Variants in ZNF286A observed in about 807,000 individuals in gnomAD.
ZNF286A encodes zinc finger protein ZNF286.
A neutral mutation model predicts 49.3 loss-of-function variants in ZNF286A; 34 were observed. The observed-to-expected ratio is 0.69, with a 90% CI of 0.52 to 0.92. ZNF286A has a LOEUF of 0.92. ZNF286A is among the 40% of genes least tolerant of loss of function. The pLI is 0.00. For synonymous variants in ZNF286A, 155 were observed against 200.4 expected (o/e 0.77, Z 1.91); for missense variants, 462 against 600.2 (o/e 0.77, Z 2.41).
Position 15,717,003 on chromosome 17 carries a change from C to T in ZNF286A, c.1279C>T (p.Gln427Ter), listed in dbSNP as rs751666837. 4 of 1,613,544 alleles carry T rather than the reference C, an allele frequency of 2.5e-6. No homozygotes were observed. The South Asian group carries it at 4.4e-5, about 18-fold the overall frequency. The change falls in exon 6 of 6, where the codon CAA (glutamine) becomes TAA (stop). Residue 427 changes from glutamine to a stop codon, truncating the protein, a stop_gained. Coordinates refer to ENST00000583566, the MANE Select transcript of ZNF286A (RefSeq NM_001130842.2). LOFTEE classifies it high-confidence loss of function. The stretch of plus-strand genomic sequence containing the variant: ...TTTTAGTCAGAGCACACATCTTGTT[C>T]AACATCAGAGAATTCACACTGGAGA... ...KTFSQSTHLV[Q>*]HQRIHTGEKP... is the part of the protein sequence containing the mutation.
chr17:15,705,714 T>G, intron 3 of ZNF286A, among the ~76,000 whole-genome samples: 1 of 152,246 alleles, frequency 6.6e-6, no homozygotes, highest in East Asian at 1.9e-4. Flanking sequence ...TCCTGTTGTC[T>G]ATGGGTTTAC....
At position 15,710,495 on chromosome 17, in the gene ZNF286A, T is replaced by C. The variant is rs1262604655; in HGVS notation, c.334+2248T>C. Among the ~76,000 whole-genome samples, 8 of 152,356 alleles carry C rather than the reference T, an allele frequency of 5.3e-5. No individual in the cohort carries two copies. In the East Asian group the frequency reaches 1.5e-3, roughly 29 times the overall value. On this transcript the variant is annotated intron_variant, in intron 5 of 5. Transcript: ENST00000583566. ...GGAATAATCTTATGTTACTGATTTG[T>C]AATGCTACCTGTGGTAAACCCAGTT...
At chr17:15,703,632 AT>A (rs1243400713) in intron 3 of ZNF286A, among the ~76,000 whole-genome samples, 1 of 152,090 alleles carries the variant, frequency 6.6e-6, no homozygotes, top group Non-Finnish European at 1.5e-5. Flanking sequence ...GACATATGGT[AT>A]ACTATATTTC....
intron 5 of ZNF286A, among the ~76,000 whole-genome samples, chr17:15,710,236 T>C (rs948715686): frequency 5.3e-4 from 80 of 152,224 alleles, no homozygotes; most frequent in African/African-American, 1.8e-3. Flanking sequence ...CTTTGGCTTA[T>C]TTTATTTTCT....
At chr17:15,709,225 C>CA (rs1164706834) in intron 5 of ZNF286A, among the ~76,000 whole-genome samples, 1 of 149,464 alleles carries the variant, frequency 6.7e-6, no homozygotes, top group Non-Finnish European at 1.5e-5. Context: ...TGTGGTGACT[C>CA]ACGCCTGTAA....
At position 15,716,273 on chromosome 17, in the gene ZNF286A, C is replaced by G. The variant is rs1967046051; in HGVS notation, c.549C>G (p.Leu183=). The stretch of plus-strand genomic sequence containing the variant: ...AAATGTTCACTCACATGAATTCACT[C>G]TCTGAGGAAACAGACCATAAGCATG... ...LREMFTHMNS[L]SEETDHKHDV... Residue 183 remains leucine (L), a synonymous_variant, in exon 6 of 6, where the codon CTC becomes CTG. Transcript: ENST00000583566. The G allele has an allele frequency of 6.2e-7, 1 of 1,613,880 alleles. No individual in the cohort carries two copies. Among genetic ancestry groups the G allele is most frequent in the African/African-American group, 1.3e-5 (1 of 75,044 alleles).
chr17:15,706,415 T>G lies in ZNF286A; in HGVS notation c.155T>G (p.Met52Arg). The part of the protein sequence containing the change: ...QETVTFKDVA[M>R]DFTPEEWGKL... ...ACAGTGACATTCAAGGATGTGGCCA[T>G]GGACTTTACACCAGAGGAGTGGGGG... Residue 52 changes from methionine (M) to arginine (R), a missense_variant, in exon 4 of 6, where the codon ATG becomes AGG. By Grantham distance (91) the Met-to-Arg change is moderately conservative. Coordinates refer to ENST00000583566, the MANE Select transcript of ZNF286A (RefSeq NM_001130842.2). The G allele has an allele frequency of 6.2e-7, 1 of 1,614,026 alleles. No individual in the cohort carries two copies. The highest frequency in any genetic ancestry group is 8.5e-7 in the Non-Finnish European group (1 of 1,179,944).
intron 5 of ZNF286A, among the ~76,000 whole-genome samples, chr17:15,714,880 T>A (rs903113796): frequency 1.6e-4 from 25 of 152,004 alleles, no homozygotes; most frequent in Non-Finnish European, 2.9e-4. Context: ...CTAACTTAAT[T>A]TTCTTCTAAT....
chr17:15,711,866 C>CG (rs368552206), intron 5 of ZNF286A, among the ~76,000 whole-genome samples: 9 of 103,424 alleles, frequency 8.7e-5, no homozygotes, highest in South Asian at 4.0e-4. Context: ...ATCTGCCCCC[C>CG]CCCCGGCTTT....
At chr17:15,714,042 A>G (rs1966898915) in intron 5 of ZNF286A, among the ~76,000 whole-genome samples, 1 of 152,292 alleles carries the variant, frequency 6.6e-6, no homozygotes, top group South Asian at 2.1e-4. Context: ...CAAGATGACC[A>G]TTGTTCTTTG....
At chr17:15,704,430 G>A in intron 3 of ZNF286A, 1 of 1,607,898 alleles carries the variant, frequency 6.2e-7, no homozygotes, top group Non-Finnish European at 8.5e-7. Flanking sequence ...GCCCGCCGGC[G>A]CCCCCGTGGA....
chr17:15,706,146 A>G lies in ZNF286A; in HGVS notation c.127-241A>G, dbSNP rs527921228. ...GAAAAATTGTAGTCTCTCAATGGAGAAACCAGGGTCATCTTTTGGTTCTCA... is the reference window on the plus strand; with the variant it reads ...GAAAAATTGTAGTCTCTCAATGGAGGAACCAGGGTCATCTTTTGGTTCTCA... On this transcript the variant is annotated intron_variant, in intron 3 of 5. Transcript: ENST00000583566. Among the ~76,000 whole-genome samples the G allele has an allele frequency of 3.3e-4, 51 of 152,348 alleles. 1 individual carries two copies. In the South Asian group the frequency reaches 5.6e-3, roughly 17 times the overall value.
chr17:15,711,303 C>T (rs956791068), intron 5 of ZNF286A: 5 of 152,060 alleles, frequency 3.3e-5, no homozygotes, highest in African/African-American at 1.2e-4. Context: ...TATATATTTG[C>T]CTCTGTTTAC....
rs763369241 is a variant in ZNF286A at position 15,717,252 on chromosome 17, A to G, written c.1528A>G (p.Ile510Val). The change falls in exon 6 of 6, where the codon ATC becomes GTC. Residue 510 changes from isoleucine to valine, a missense_variant. Transcript: ENST00000583566. ...AAGCTTTAAGTGCAGTTCATCTCTC[A>G]TCAGACATCAAAGAGTTCACACTGA... is the stretch of plus-strand genomic sequence containing the variant. ...GKSFKCSSSL[I>V]RHQRVHTEEQ... is the part of the protein sequence containing the mutation. 106 of 1,606,356 alleles carry G rather than the reference A, an allele frequency of 6.6e-5. 1 individual carries two copies. Among genetic ancestry groups the G allele is most frequent in the Middle Eastern group, 1.7e-4 (1 of 6,050 alleles).
At position 15,704,918 on chromosome 17, in the gene ZNF286A, G is replaced by T. The variant is rs900593665; in HGVS notation, c.127-1469G>T. 6.3e-6 allele frequency: 10 copies of T among 1,577,622 alleles called. No individual in the cohort carries two copies. In the African/African-American group the frequency reaches 8.5e-5, roughly 13 times the overall value. The stretch of plus-strand genomic sequence containing the variant: ...GAGTTCATGGCTGCGGCCGGCCGGG[G>T]GCGGGTCCCCCCGGCCCCCTTCCTG... On this transcript the variant is annotated intron_variant, in intron 3 of 5. Coordinates refer to ENST00000583566, the MANE Select transcript of ZNF286A (RefSeq NM_001130842.2).
rs757558470 is a variant in ZNF286A at position 15,716,803 on chromosome 17, A to C, written c.1079A>C (p.Asp360Ala). Reference protein sequence around the residue: ...GVKPYECNECDKAFIHSSALI... With the variant: ...GVKPYECNECAKAFIHSSALI... ...AAGCCTTATGAATGTAATGAATGTG[A>C]TAAAGCTTTTATTCATTCATCAGCA... The change falls in exon 6 of 6, where the codon GAT becomes GCT. Residue 360 changes from aspartate to alanine, a missense_variant. By Grantham distance (126) the Asp-to-Ala change is moderately radical. Transcript: ENST00000583566. 18 of 1,613,928 alleles carry C rather than the reference A, an allele frequency of 1.1e-5. No homozygotes were observed. In the Middle Eastern group the frequency reaches 5.0e-4, roughly 44 times the overall value.
At chr17:15,703,583 T>C (rs1368247891) in intron 3 of ZNF286A, among the ~76,000 whole-genome samples, 1 of 152,036 alleles carries the variant, frequency 6.6e-6, no homozygotes, top group Non-Finnish European at 1.5e-5. Flanking sequence ...CTATGTATAT[T>C]TTTTCACATT....
intron 5 of ZNF286A, among the ~76,000 whole-genome samples, chr17:15,713,022 A>T (rs529857640): frequency 6.6e-6 from 1 of 152,210 alleles, no homozygotes; most frequent in Non-Finnish European, 1.5e-5. Context: ...TGTTTGATTT[A>T]TGTAGGTTAC....
intron 3 of ZNF286A, among the ~76,000 whole-genome samples, chr17:15,702,523 A>T (rs1989865627): frequency 6.6e-6 from 1 of 152,160 alleles, no homozygotes; most frequent in African/African-American, 2.4e-5. Context: ...AAAAAAAAAA[A>T]AAAAGAAGTT....
Sources: allele counts gnomAD v4.1 joint callset (sites outside exome capture counted in the v4.1 genomes callset), GRCh38; gene constraint gnomAD v4.1.1; transcripts MANE v1.5; gene names NCBI Gene and HGNC (gene_info 2026-07-23, HGNC 2026-07-21).